The following BRD10 variants were observed in gnomAD, a reference collection of about 807,000 sequenced individuals.
The protein encoded by BRD10 is bromodomain containing 10.
chr9:5,906,925 G>C, the BRD10 span: 42 of 1,596,584 alleles, frequency 2.6e-5, no homozygotes, highest in Non-Finnish European at 3.3e-5. Context: ...GCCTTAACAA[G>C]AAGATGCCCA....
the BRD10 span, chr9:5,924,840 C>A: frequency 3.4e-6 from 5 of 1,484,830 alleles, no homozygotes; most frequent in Non-Finnish European, 4.5e-6. Flanking sequence ...TTTCTTCAGG[C>A]GGCTCCTGAA....
the BRD10 span, among the ~76,000 whole-genome samples, chr9:5,905,130 A>G: frequency 6.6e-6 from 1 of 152,128 alleles, no homozygotes; most frequent in Non-Finnish European, 1.5e-5. Context: ...ACATACATTT[A>G]CAACTAATTC....
chr9:5,919,584 A>ACACC, the BRD10 span: 4 of 979,588 alleles, frequency 4.1e-6, no homozygotes, highest in Admixed American at 1.1e-4. Context: ...ACACACACAC[A>ACACC]ATGTATAGTA....
the BRD10 span, among the ~76,000 whole-genome samples, chr9:5,966,284 C>T: frequency 6.6e-6 from 1 of 152,064 alleles, no homozygotes. Context: ...CTCTGATCTA[C>T]AGCAGTGTCT....
chr9:5,928,082 T>G, the BRD10 span, among the ~76,000 whole-genome samples: 601 of 152,272 alleles, frequency 3.9e-3, 5 homozygotes, highest in African/African-American at 0.013. Context: ...GTTTCCCCTA[T>G]CTCAGTTAAT....
At chr9:5,903,841 T>C in the BRD10 span, among the ~76,000 whole-genome samples, 2 of 152,110 alleles carry the variant, frequency 1.3e-5, no homozygotes, top group Non-Finnish European at 1.5e-5. Flanking sequence ...GTTAGCATGG[T>C]ATATCTTTTT....
At chr9:5,947,335 G>C in the BRD10 span, among the ~76,000 whole-genome samples, 6 of 152,088 alleles carry the variant, frequency 3.9e-5, no homozygotes, top group African/African-American at 1.4e-4. Flanking sequence ...TAACATTTTT[G>C]AGTAGTAAGG....
the BRD10 span, among the ~76,000 whole-genome samples, chr9:5,997,937 C>T: frequency 6.6e-6 from 1 of 151,878 alleles, no homozygotes; most frequent in Non-Finnish European, 1.5e-5. Flanking sequence ...ACATACTGTA[C>T]GTTTTGTAAA....
chr9:5,992,154 T>C, the BRD10 span, among the ~76,000 whole-genome samples: 2 of 152,238 alleles, frequency 1.3e-5, no homozygotes, highest in Non-Finnish European at 2.9e-5. Context: ...ATCACTACAC[T>C]GCATTATATA....
the BRD10 span, chr9:5,922,698 T>A: frequency 1.2e-6 from 2 of 1,613,890 alleles, no homozygotes; most frequent in Non-Finnish European, 1.7e-6. Context: ...ACTTGCTGCA[T>A]GATTTTTTCT....
chr9:5,956,215 C>G, the BRD10 span, among the ~76,000 whole-genome samples: 4 of 152,060 alleles, frequency 2.6e-5, no homozygotes, highest in African/African-American at 9.7e-5. Context: ...TATTGTTACA[C>G]AGGCACTAAA....
the BRD10 span, among the ~76,000 whole-genome samples, chr9:6,003,520 G>C: frequency 1.3e-5 from 2 of 152,014 alleles, no homozygotes; most frequent in Admixed American, 6.6e-5. Context: ...TAACTTTCTT[G>C]AGAATAGATA....
chr9:5,885,085 T>A, the BRD10 span, among the ~76,000 whole-genome samples: 2 of 152,236 alleles, frequency 1.3e-5, no homozygotes, highest in Non-Finnish European at 2.9e-5. Context: ...CCCTCCTGGC[T>A]GCTGGGGCTT....
the BRD10 span, chr9:6,007,422 C>A: frequency 6.2e-7 from 1 of 1,607,266 alleles, no homozygotes; most frequent in Non-Finnish European, 8.5e-7. Context: ...CGCCCCGGCC[C>A]CCGCTGCGCG....
the BRD10 span, among the ~76,000 whole-genome samples, chr9:5,889,799 T>A: frequency 1.3e-5 from 2 of 150,980 alleles, no homozygotes; most frequent in East Asian, 1.9e-4. Context: ...AAAAAAAATG[T>A]GTTTGAGCCT....
At chr9:6,003,084 T>TTA in the BRD10 span, among the ~76,000 whole-genome samples, 7,140 of 152,306 alleles carry the variant, frequency 0.047, 439 homozygotes, top group African/African-American at 0.14. Context: ...GAAAGCCTTT[T>TTA]TATCCCATAC....
At chr9:5,940,006 T>G in the BRD10 span, among the ~76,000 whole-genome samples, 1 of 152,188 alleles carries the variant, frequency 6.6e-6, no homozygotes, top group Non-Finnish European at 1.5e-5. Context: ...TCTCTAATAT[T>G]CAGTCTAGCT....
the BRD10 span, among the ~76,000 whole-genome samples, chr9:6,005,005 G>T: frequency 6.6e-6 from 1 of 152,152 alleles, no homozygotes; most frequent in Non-Finnish European, 1.5e-5. Flanking sequence ...TACTAAAATA[G>T]CAAGAATTTT....
At chr9:5,947,955 A>G in the BRD10 span, among the ~76,000 whole-genome samples, 1 of 152,198 alleles carries the variant, frequency 6.6e-6, no homozygotes, top group African/African-American at 2.4e-5. Flanking sequence ...ACGAAACTCC[A>G]TAGCAGCTCA....
Sources: allele counts gnomAD v4.1 joint callset (sites outside exome capture counted in the v4.1 genomes callset), GRCh38; gene constraint gnomAD v4.1.1; transcripts MANE v1.5; gene names NCBI Gene and HGNC (gene_info 2026-07-23, HGNC 2026-07-21).